Variants in MYBL1 observed in about 807,000 individuals in gnomAD.
MYBL1 encodes the protein MYB proto-oncogene like 1, also known as myb-related protein A.
In MYBL1, 17 loss-of-function variants were observed where a neutral mutation model predicts 96.3. The ratio of observed to expected loss-of-function variants is 0.18; its 90% CI spans 0.12 to 0.26. The LOEUF (loss-of-function observed/expected upper bound fraction) is 0.26. MYBL1 is among the 10% of genes least tolerant of loss of function. The pLI is 1.00. For synonymous variants in MYBL1, 282 were observed against 292.7 expected (o/e 0.96, Z 0.37); for missense variants, 701 against 882.9 (o/e 0.79, Z 2.61).
At chr8:66,594,078 G>A (rs1249912001) in intron 6 of MYBL1, among the ~76,000 whole-genome samples, 1 of 152,022 alleles carries the variant, frequency 6.6e-6, no homozygotes, top group African/African-American at 2.4e-5. Flanking sequence ...TGAGGCTGCA[G>A]CGAGCTGTGT....
chr8:66,592,972 ACTTTCTT>A (rs1275749443), intron 7 of MYBL1, 141 bp downstream of exon 7: 6 of 541,476 alleles, frequency 1.1e-5, no homozygotes, highest in Non-Finnish European at 6.6e-6. Flanking sequence ...TCACTTACAC[ACTTTCTT>A]CTTTATAGTT....
At chr8:66,612,795 C>G in intron 1 of MYBL1, 24 bp downstream of exon 1, 1 of 1,360,888 alleles carries the variant, frequency 7.3e-7, no homozygotes. Flanking sequence ...GCCGACAGGC[C>G]TGGGCGAAAG....
rs865954328 is a variant in MYBL1, at chr8:66,576,068, T to G, written c.1409A>C (p.Asp470Ala). The stretch of plus-strand genomic sequence containing the variant: ...ATGTTTTAGCGCCATATTACCACCA[T>G]CGTTCAATGAGCCATCCCTAAGTTC... ...GSELRDGSLNDGGNMALKHTP... is the reference protein window; with the variant it reads ...GSELRDGSLNAGGNMALKHTP... The change falls in exon 10 of 16, where the codon GAT becomes GCT. Residue 470 changes from aspartate to alanine, a missense_variant. Asp to Ala is a moderately radical substitution (Grantham distance 126). Coordinates refer to ENST00000522677, the MANE Select transcript of MYBL1 (RefSeq NM_001080416.4). 1.9e-6 allele frequency: 3 copies of G among 1,613,954 alleles called. No individual in the cohort carries two copies. The Middle Eastern group carries it at 4.9e-4, about 266-fold the overall frequency.
At chr8:66,596,798 T>C (rs746260588) in intron 5 of MYBL1, among the ~76,000 whole-genome samples, 1 of 152,138 alleles carries the variant, frequency 6.6e-6, no homozygotes, top group Non-Finnish European at 1.5e-5. Context: ...AGAGTGTACT[T>C]AGCACATCAC....
At chr8:66,574,577 T>C (rs1808861057) in intron 10 of MYBL1, among the ~76,000 whole-genome samples, 1 of 152,208 alleles carries the variant, frequency 6.6e-6, no homozygotes, top group Non-Finnish European at 1.5e-5. Context: ...ATCCCAGCAT[T>C]CTCCATGTTT....
At chr8:66,595,320 T>C (rs1288338370) in intron 6 of MYBL1, among the ~76,000 whole-genome samples, 1 of 152,168 alleles carries the variant, frequency 6.6e-6, no homozygotes, top group African/African-American at 2.4e-5. Context: ...AGATGACCAT[T>C]AGCTTTGAAT....
intron 8 of MYBL1, 128 bp from the exon 9 acceptor site, chr8:66,580,494 T>C: frequency 4.7e-6 from 3 of 639,572 alleles, no homozygotes; most frequent in Middle Eastern, 3.0e-4. Context: ...AAAATTGGTA[T>C]ACTTTTTTCA....
rs563243405 is a variant in MYBL1 at position 66,567,305 on chromosome 8, GT to G, written c.1729-314del. 2.6e-5 allele frequency among the ~76,000 whole-genome samples: 4 copies of G among 152,058 alleles called. No individual in the cohort carries two copies. In the East Asian group the frequency reaches 7.7e-4, roughly 29 times the overall value. Reference sequence around the variant, plus strand: ...AGAAAAGAAAGATGTTATTTCTCAAGTTTTTTTTACATAAAAACAGGAAATA... The same window carrying G: ...AGAAAAGAAAGATGTTATTTCTCAAGTTTTTTTACATAAAAACAGGAAATA... On this transcript the variant is annotated intron_variant, in intron 12 of 15. Coordinates refer to ENST00000522677, the MANE Select transcript of MYBL1 (RefSeq NM_001080416.4).
At position 66,612,960 on chromosome 8, in the gene MYBL1, G is replaced by A. The variant is rs1278435428; in HGVS notation, c.-122C>T. On this transcript the variant is annotated 5_prime_UTR_variant, in exon 1 of 16. Coordinates refer to ENST00000522677, the MANE Select transcript of MYBL1 (RefSeq NM_001080416.4). ...TCCCTCGCTCCCTCTGGAGGCGGCC[G>A]AGTGCGGAACGCACGTCCTCGACAG... is the stretch of plus-strand genomic sequence containing the variant. 3.5e-6 allele frequency: 4 copies of A among 1,154,492 alleles called. No homozygotes were observed. The highest frequency in any genetic ancestry group is 4.5e-6 in the Non-Finnish European group (4 of 882,446). 71.5% of individuals were successfully genotyped at this position (1,154,492 alleles called of 1,614,324 possible).
At chr8:66,603,947 T>C (rs1335722184) in intron 1 of MYBL1, among the ~76,000 whole-genome samples, 3 of 150,576 alleles carry the variant, frequency 2.0e-5, no homozygotes, top group Non-Finnish European at 4.4e-5. Context: ...CTAGACAAGC[T>C]GAATCTACAA....
chr8:66,610,503 T>G (rs906222369), intron 1 of MYBL1, among the ~76,000 whole-genome samples: 3 of 152,034 alleles, frequency 2.0e-5, no homozygotes. Context: ...TAGTTTTCAC[T>G]TGAACGCTTA....
chr8:66,612,678 C>G, intron 1 of MYBL1, 141 bp downstream of exon 1: 2 of 1,056,370 alleles, frequency 1.9e-6, no homozygotes, highest in Non-Finnish European at 2.5e-6. Flanking sequence ...GTCATCGAGG[C>G]CAAGCGGCCG....
intron 12 of MYBL1, among the ~76,000 whole-genome samples, chr8:66,571,809 C>T (rs1427912518): frequency 2.0e-5 from 3 of 149,366 alleles, no homozygotes; most frequent in African/African-American, 7.4e-5. Context: ...ACCCAGGAGG[C>T]GGAGGTTGCA....
At chr8:66,605,758 G>A (rs1237768172) in intron 1 of MYBL1, among the ~76,000 whole-genome samples, 1 of 152,184 alleles carries the variant, frequency 6.6e-6, no homozygotes, top group East Asian at 1.9e-4. Flanking sequence ...AGAGGTTACA[G>A]TGAGCCGAGA....
intron 10 of MYBL1, among the ~76,000 whole-genome samples, chr8:66,573,897 T>C (rs921279904): frequency 1.3e-5 from 2 of 152,212 alleles, no homozygotes; most frequent in Non-Finnish European, 2.9e-5. Flanking sequence ...ACAAGTTTTT[T>C]AGCTCTTATT....
At chr8:66,599,013 A>G in intron 4 of MYBL1, 37 bp downstream of exon 4, 1 of 1,348,756 alleles carries the variant, frequency 7.4e-7, no homozygotes, top group Non-Finnish European at 9.9e-7. Context: ...AAGCTAGTCT[A>G]CCTACATAGT....
chr8:66,563,081 GT>G lies in MYBL1; in HGVS notation c.*1615del, dbSNP rs1461878791. 2 of 152,398 alleles carry G rather than the reference GT, an allele frequency of 1.3e-5. No homozygotes were observed. Among genetic ancestry groups the G allele is most frequent in the South Asian group, 4.1e-4 (2 of 4,824 alleles). The allele number at this position is 152,398 out of a possible 1,614,324, so 9.4% of individuals were successfully genotyped here. On this transcript the variant is annotated 3_prime_UTR_variant, in exon 16 of 16. Transcript: ENST00000522677. ...GAAAATCTTAACCTGCTTTCATTTT[GT>G]TTTATAAGGCATAGTAGTATTTTGG...
chr8:66,569,891 T>G (rs1428369908), intron 12 of MYBL1, among the ~76,000 whole-genome samples: 1 of 152,196 alleles, frequency 6.6e-6, no homozygotes, highest in Non-Finnish European at 1.5e-5. Context: ...TTATAGTAAA[T>G]ATTAAAAGAA....
intron 11 of MYBL1, among the ~76,000 whole-genome samples, chr8:66,573,104 C>T (rs1367550647): frequency 6.6e-6 from 1 of 152,060 alleles, no homozygotes; most frequent in Non-Finnish European, 1.5e-5. Flanking sequence ...ATCCCAGCTA[C>T]TCGGGTGGCT....
Sources: allele counts gnomAD v4.1 joint callset (sites outside exome capture counted in the v4.1 genomes callset), GRCh38; gene constraint gnomAD v4.1.1; transcripts MANE v1.5; gene names NCBI Gene and HGNC (gene_info 2026-07-23, HGNC 2026-07-21).